The following ASIC2 variants were observed in gnomAD, a reference collection of about 807,000 sequenced individuals.
The protein encoded by ASIC2 is acid-sensing ion channel 2.
In ASIC2, 25 loss-of-function variants were observed where a neutral mutation model predicts 57.3. The observed-to-expected ratio is 0.44, with a 90% confidence interval of 0.32 to 0.61. The LOEUF (loss-of-function observed/expected upper bound fraction) is 0.61, where lower values mean the gene tolerates loss of function less well. ASIC2 is among the 20% of genes least tolerant of loss of function. ASIC2 has a pLI of 0.06. For missense variants in ASIC2, 641 were observed against 738.1 expected (o/e 0.87, Z 1.52); for synonymous variants, 319 against 307.5 (o/e 1.04, Z -0.39).
At chr17:33,084,916 T>A (rs1416983386) in intron 3 of ASIC2, among the ~76,000 whole-genome samples, 1 of 152,236 alleles carries the variant, frequency 6.6e-6, no homozygotes, top group Non-Finnish European at 1.5e-5. Context: ...ATCTTTGGAC[T>A]GGGTTGTAGC....
intron 1 of ASIC2, among the ~76,000 whole-genome samples, chr17:33,721,606 C>T (rs187967750): frequency 2.1e-3 from 323 of 152,294 alleles, no homozygotes; most frequent in African/African-American, 7.5e-3. Context: ...AGAAATAAAC[C>T]TTTAACATTT....
intron 1 of ASIC2, among the ~76,000 whole-genome samples, chr17:33,799,408 T>TTTCTTTC (rs1567718952): frequency 7.6e-4 from 48 of 63,066 alleles, no homozygotes; most frequent in Admixed American, 1.5e-3. Flanking sequence ...CTTTCTTTTC[T>TTTCTTTC]TTCTTTCTTT....
intron 1 of ASIC2, among the ~76,000 whole-genome samples, chr17:33,455,948 A>T (rs1912436599): frequency 6.6e-6 from 1 of 152,202 alleles, no homozygotes; most frequent in Non-Finnish European, 1.5e-5. Context: ...CATTTTTAAG[A>T]GGAGCCAGGA....
intron 1 of ASIC2, among the ~76,000 whole-genome samples, chr17:33,812,236 A>G (rs1912443237): frequency 6.6e-6 from 1 of 152,110 alleles, no homozygotes; most frequent in Non-Finnish European, 1.5e-5. Flanking sequence ...AAGGGCTGCT[A>G]TGTCAGCAAT....
intron 1 of ASIC2, among the ~76,000 whole-genome samples, chr17:33,724,189 CTT>C (rs1909474311): frequency 6.6e-6 from 1 of 152,168 alleles, no homozygotes. Flanking sequence ...TAAGACATGA[CTT>C]TCATTTTCCA....
At chr17:33,685,992 A>G (rs1908174483) in intron 1 of ASIC2, among the ~76,000 whole-genome samples, 1 of 152,124 alleles carries the variant, frequency 6.6e-6, no homozygotes. Flanking sequence ...TGCTTTGGGA[A>G]TCGGCCTCCT....
intron 2 of ASIC2, among the ~76,000 whole-genome samples, chr17:33,104,375 G>A (rs2092226795): frequency 6.6e-6 from 1 of 152,188 alleles, no homozygotes. Flanking sequence ...AAAAGGGAGA[G>A]GGATGCTTCA....
intron 1 of ASIC2, among the ~76,000 whole-genome samples, chr17:33,232,121 C>T (rs1487308530): frequency 6.6e-6 from 1 of 152,130 alleles, no homozygotes; most frequent in Admixed American, 6.5e-5. Flanking sequence ...GAGGTGGAGG[C>T]CTTGGGGGAT....
intron 1 of ASIC2, among the ~76,000 whole-genome samples, chr17:33,861,568 A>T (rs1445300273): frequency 1.3e-5 from 2 of 152,218 alleles, no homozygotes; most frequent in Non-Finnish European, 1.5e-5. Flanking sequence ...ATTGTATCAG[A>T]GCTTTATGTA....
At chr17:33,302,441 A>G (rs949019378) in intron 1 of ASIC2, among the ~76,000 whole-genome samples, 2 of 151,894 alleles carry the variant, frequency 1.3e-5, no homozygotes, top group Non-Finnish European at 2.9e-5. Flanking sequence ...CCTGGCTCTC[A>G]CCTCTGCTTC....
At chr17:33,153,586 C>T (rs769665975) in intron 1 of ASIC2, among the ~76,000 whole-genome samples, 8 of 152,140 alleles carry the variant, frequency 5.3e-5, no homozygotes, top group Non-Finnish European at 7.4e-5. Flanking sequence ...ACTATTTTGA[C>T]GACAGTTTTG....
intron 1 of ASIC2, among the ~76,000 whole-genome samples, chr17:33,536,249 A>C (rs1391341112): frequency 6.6e-6 from 1 of 152,146 alleles, no homozygotes; most frequent in African/African-American, 2.4e-5. Context: ...CTTGGCAGTC[A>C]TTTTGGATTT....
intron 1 of ASIC2, among the ~76,000 whole-genome samples, chr17:34,051,936 A>T (rs1908584888): frequency 6.6e-6 from 1 of 151,932 alleles, no homozygotes; most frequent in Admixed American, 6.6e-5. Flanking sequence ...GTCTACATTA[A>T]ATTTGAAGAA....
intron 1 of ASIC2, among the ~76,000 whole-genome samples, chr17:33,859,220 A>C (rs1253750922): frequency 6.6e-6 from 1 of 152,252 alleles, no homozygotes; most frequent in Non-Finnish European, 1.5e-5. Context: ...AATGATAGTG[A>C]ATAACATGTC....
intron 1 of ASIC2, among the ~76,000 whole-genome samples, chr17:34,129,606 C>A (rs191519979): frequency 1.3e-5 from 2 of 152,190 alleles, no homozygotes; most frequent in African/African-American, 4.8e-5. Flanking sequence ...GCCTATAGTA[C>A]CCCCTCATGG....
chr17:33,900,372 A>G (rs759283802), intron 1 of ASIC2, among the ~76,000 whole-genome samples: 15 of 152,138 alleles, frequency 9.9e-5, no homozygotes, highest in Non-Finnish European at 1.8e-4. Context: ...TGAGACACCC[A>G]GGCCCCAGTG....
At chr17:33,582,854 A>G (rs938553995) in intron 1 of ASIC2, among the ~76,000 whole-genome samples, 1 of 152,232 alleles carries the variant, frequency 6.6e-6, no homozygotes, top group African/African-American at 2.4e-5. Flanking sequence ...TCTTTATTTT[A>G]AAAACCTCTG....
chr17:33,501,185 T>C (rs1467532401), intron 1 of ASIC2, among the ~76,000 whole-genome samples: 1 of 152,234 alleles, frequency 6.6e-6, no homozygotes. Context: ...GTGCTGTTAA[T>C]GGACACGTGA....
intron 1 of ASIC2, among the ~76,000 whole-genome samples, chr17:33,722,660 G>A (rs1909425280): frequency 6.6e-6 from 1 of 151,966 alleles, no homozygotes. Flanking sequence ...ATACTTGGGA[G>A]GCTGACACAG....
Sources: allele counts gnomAD v4.1 joint callset (sites outside exome capture counted in the v4.1 genomes callset), GRCh38; gene constraint gnomAD v4.1.1; transcripts MANE v1.5; gene names NCBI Gene and HGNC (gene_info 2026-07-23, HGNC 2026-07-21).